The following AP3S2 variants were observed in gnomAD, a reference collection of about 807,000 sequenced individuals.
AP3S2 encodes adaptor related protein complex 3 subunit sigma 2.
A neutral mutation model predicts 23.4 loss-of-function variants in AP3S2; 22 were observed. That is an observed-to-expected ratio of 0.94 (90% confidence interval 0.67 to 1.34). The LOEUF (loss-of-function observed/expected upper bound fraction) is 1.34. AP3S2 is among the 40% of genes most tolerant of loss of function. The pLI is 0.00. For missense variants in AP3S2, 241 were observed against 236.9 expected, an observed-to-expected ratio of 1.02 and a Z score of -0.11; for synonymous variants, 86 against 87.1, an observed-to-expected ratio of 0.99 and a Z score of 0.07.
chr15:89,876,148 T>C (rs138301019), intron 3 of AP3S2, among the ~76,000 whole-genome samples: 36 of 152,312 alleles, frequency 2.4e-4, no homozygotes, highest in Admixed American at 2.4e-3. Flanking sequence ...CTGGACATGG[T>C]GCTTCACACC....
intron 4 of AP3S2, among the ~76,000 whole-genome samples, chr15:89,864,539 T>C (rs1896073943): frequency 6.6e-6 from 1 of 151,996 alleles, no homozygotes; most frequent in Admixed American, 6.6e-5. Context: ...TGTCACTACT[T>C]CTATTCAATA....
chr15:89,856,510 C>A (rs1237536460), intron 4 of AP3S2, among the ~76,000 whole-genome samples: 2 of 151,868 alleles, frequency 1.3e-5, no homozygotes, highest in Non-Finnish European at 2.9e-5. Flanking sequence ...ACTAGCCTGG[C>A]CAAGATGGTG....
chr15:89,859,189 T>TC (rs2141864293), intron 4 of AP3S2, among the ~76,000 whole-genome samples: 1 of 151,246 alleles, frequency 6.6e-6, no homozygotes, highest in African/African-American at 2.4e-5. Flanking sequence ...CTTTCTTCCT[T>TC]CCTTCCCTCT....
At chr15:89,838,895 G>A (rs1895259238) in intron 4 of AP3S2, among the ~76,000 whole-genome samples, 1 of 152,122 alleles carries the variant, frequency 6.6e-6, no homozygotes, top group South Asian at 2.1e-4. Flanking sequence ...GGCTGGGATG[G>A]CAACTTTCTT....
chr15:89,870,188 C>G (rs1293979494), intron 4 of AP3S2, among the ~76,000 whole-genome samples: 1 of 152,158 alleles, frequency 6.6e-6, no homozygotes. Context: ...AGCTATGGCT[C>G]TCCTTGACAG....
chr15:89,869,608 A>G (rs1262135641), intron 4 of AP3S2, among the ~76,000 whole-genome samples: 1 of 151,150 alleles, frequency 6.6e-6, no homozygotes, highest in Non-Finnish European at 1.5e-5. Context: ...CTTTCCTAGT[A>G]AAATCTATCC....
In AP3S2 at chr15:89,838,179, C is replaced by T. The variant is rs372505718; in HGVS notation, c.346-457G>A. 301 of 163,804 alleles carry T rather than the reference C, an allele frequency of 1.8e-3. 3 individuals are homozygous for T. Among genetic ancestry groups the T allele is most frequent in the South Asian group, 8.7e-3 (57 of 6,586 alleles). 10.1% of individuals were successfully genotyped at this position (163,804 alleles called of 1,614,324 possible). Reference sequence around the variant, plus strand: ...TTAATATTACCATCATCAACACTGACTGTCATTAAGTAGGTCCAGCTATGA... The same window carrying T: ...TTAATATTACCATCATCAACACTGATTGTCATTAAGTAGGTCCAGCTATGA... On this transcript the variant is annotated intron_variant, in intron 4 of 5. Transcript: ENST00000336418.
At chr15:89,852,068 A>T (rs4932255) in intron 4 of AP3S2, among the ~76,000 whole-genome samples, 37,950 of 151,594 alleles carry the variant, frequency 0.25, 5,050 homozygotes, top group South Asian at 0.32. Flanking sequence ...GTGTAGAGGG[A>T]GCGGGTCCAT....
At chr15:89,877,385 G>C in intron 3 of AP3S2, 2 of 1,291,726 alleles carry the variant, frequency 1.5e-6, no homozygotes, top group Non-Finnish European at 2.0e-6. Flanking sequence ...CCAGTTTGTA[G>C]GGTGTTGCAC....
At chr15:89,850,463 G>T (rs1044480313) in intron 4 of AP3S2, among the ~76,000 whole-genome samples, 1 of 152,178 alleles carries the variant, frequency 6.6e-6, no homozygotes, top group Non-Finnish European at 1.5e-5. Flanking sequence ...AGCACTCTAC[G>T]ATACACATGA....
intron 4 of AP3S2, among the ~76,000 whole-genome samples, chr15:89,844,239 CTTTCTTTCT>C (rs1895417752): frequency 1.2e-5 from 1 of 84,858 alleles, no homozygotes; most frequent in African/African-American, 5.1e-5. Flanking sequence ...TTCTTTCTTT[CTTTCTTTCT>C]TTCTTTCTTT....
intron 3 of AP3S2, among the ~76,000 whole-genome samples, chr15:89,873,088 T>C (rs1203171876): frequency 6.6e-6 from 1 of 152,228 alleles, no homozygotes; most frequent in African/African-American, 2.4e-5. Context: ...TATTTCACTA[T>C]AAGGACACAT....
chr15:89,871,605 C>A, intron 3 of AP3S2, 59 bp from the exon 4 acceptor site: 1 of 1,561,790 alleles, frequency 6.4e-7, no homozygotes, highest in Non-Finnish European at 8.8e-7. Context: ...ACAGCTTTAT[C>A]AATGTCACAT....
At chr15:89,859,545 C>T (rs1895960522) in intron 4 of AP3S2, among the ~76,000 whole-genome samples, 1 of 151,288 alleles carries the variant, frequency 6.6e-6, no homozygotes. Flanking sequence ...AAGGTGCACG[C>T]CACCACGCCT....
rs143825854 is a variant in AP3S2 at position 89,836,986 on chromosome 15, T to C, written c.453+629A>G. ...ATTTCTGCATGTGAAAGTATACGTCTGTAACCTCTGTGCTCTGGGAAGGCT... is the reference window on the plus strand; with the variant it reads ...ATTTCTGCATGTGAAAGTATACGTCCGTAACCTCTGTGCTCTGGGAAGGCT... On this transcript the variant is annotated intron_variant, in intron 5 of 5. Transcript: ENST00000336418. Among the ~76,000 whole-genome samples the C allele has an allele frequency of 1.2e-3, 189 of 152,288 alleles. 3 individuals are homozygous for C. Among genetic ancestry groups the C allele is most frequent in the Non-Finnish European group, 1.8e-3 (122 of 68,040 alleles).
At chr15:89,885,794 A>C (rs1028415178) in intron 3 of AP3S2, among the ~76,000 whole-genome samples, 9 of 152,032 alleles carry the variant, frequency 5.9e-5, no homozygotes, top group African/African-American at 1.4e-4. Flanking sequence ...TCAAAAAATT[A>C]GCCAGATGTG....
chr15:89,872,973 C>T (rs1896355325), intron 3 of AP3S2, among the ~76,000 whole-genome samples: 1 of 152,112 alleles, frequency 6.6e-6, no homozygotes, highest in South Asian at 2.1e-4. Context: ...AATTCTACTC[C>T]CAGATAACAT....
intron 4 of AP3S2, among the ~76,000 whole-genome samples, chr15:89,849,430 G>A (rs541332290): frequency 1.7e-4 from 26 of 151,984 alleles, no homozygotes; most frequent in African/African-American, 2.7e-4. Flanking sequence ...GCAGTGGCAC[G>A]ATCTAGGCTT....
intron 3 of AP3S2, among the ~76,000 whole-genome samples, chr15:89,886,829 C>G (rs140200506): frequency 6.6e-6 from 1 of 152,280 alleles, no homozygotes; most frequent in South Asian, 2.1e-4. Flanking sequence ...GGGTCTCACT[C>G]TGTTGCCCAG....
Sources: allele counts gnomAD v4.1 joint callset (sites outside exome capture counted in the v4.1 genomes callset), GRCh38; gene constraint gnomAD v4.1.1; transcripts MANE v1.5; gene names NCBI Gene and HGNC (gene_info 2026-07-23, HGNC 2026-07-21).